The following CELF4 variants were observed in gnomAD, a reference collection of about 807,000 sequenced individuals.
CELF4 encodes the protein CUGBP Elav-like family member 4, also known as CUG-BP- and ETR-3-like factor 4.
Under a neutral mutation model 59.9 loss-of-function variants are expected in CELF4, and 18 were observed. The ratio of observed to expected loss-of-function variants is 0.30; its 90% confidence interval spans 0.21 to 0.45. The LOEUF (loss-of-function observed/expected upper bound fraction) is 0.45. Ranked by LOEUF, CELF4 falls within the 20% of genes least tolerant of loss-of-function variation. The pLI is 1.00. For missense variants in CELF4, 456 were observed against 689.0 expected, an observed-to-expected ratio of 0.66 and a Z score of 3.79; for synonymous variants, 261 against 267.1, an observed-to-expected ratio of 0.98 and a Z score of 0.22.
chr18:37,332,572 A>G (rs1294125498), intron 2 of CELF4, among the ~76,000 whole-genome samples: 1 of 151,970 alleles, frequency 6.6e-6, no homozygotes, highest in Non-Finnish European at 1.5e-5. Flanking sequence ...CCCTCACCTA[A>G]GGGGCAGGGC....
intron 1 of CELF4, among the ~76,000 whole-genome samples, chr18:37,531,777 G>C (rs1310600684): frequency 6.6e-6 from 1 of 152,140 alleles, no homozygotes; most frequent in Non-Finnish European, 1.5e-5. Flanking sequence ...GGATGCAGCT[G>C]AGCATGAGGG....
At position 37,253,743 on chromosome 18, in the gene CELF4, C is replaced by T. The variant is rs2067076706; in HGVS notation, c.*44+24G>A. On this transcript the variant is annotated intron_variant, in intron 12 of 12. Transcript: ENST00000420428. The surrounding 1 kb of genome is among the most constrained non-coding windows in gnomAD (Gnocchi z 4.5). Reference sequence around the variant, plus strand: ...CTGGTTCCCTCCCAACCCCCGTCCCCGCGCCCCGGCCGCCCCCGGTTACCT... The same window carrying T: ...CTGGTTCCCTCCCAACCCCCGTCCCTGCGCCCCGGCCGCCCCCGGTTACCT... 2 of 1,539,332 alleles carry T rather than the reference C, an allele frequency of 1.3e-6. No homozygotes were observed. Among genetic ancestry groups the T allele is most frequent in the East Asian group, 2.5e-5 (1 of 40,698 alleles).
chr18:37,331,036 C>T (rs544922749), intron 2 of CELF4, among the ~76,000 whole-genome samples: 1 of 152,304 alleles, frequency 6.6e-6, no homozygotes, highest in East Asian at 1.9e-4. Context: ...TTGGTCTCTG[C>T]TCCCACTCCC....
At chr18:37,559,495 AT>A (rs1271236064) in intron 1 of CELF4, among the ~76,000 whole-genome samples, 1 of 151,732 alleles carries the variant, frequency 6.6e-6, no homozygotes, top group Non-Finnish European at 1.5e-5. Context: ...TCTAGCTGGC[AT>A]TTTGACCCTA....
chr18:37,467,418 G>A (rs1201308247), intron 2 of CELF4, among the ~76,000 whole-genome samples: 1 of 152,176 alleles, frequency 6.6e-6, no homozygotes, highest in Non-Finnish European at 1.5e-5. Flanking sequence ...ACAGCAGGGA[G>A]TTTTGGACAC....
At chr18:37,514,022 G>A (rs1268618627) in intron 1 of CELF4, among the ~76,000 whole-genome samples, 1 of 151,500 alleles carries the variant, frequency 6.6e-6, no homozygotes, top group African/African-American at 2.4e-5. Context: ...GACTTCTGAG[G>A]TGATGGCTCT....
chr18:37,551,831 A>T (rs2099983285), intron 1 of CELF4, among the ~76,000 whole-genome samples: 1 of 152,192 alleles, frequency 6.6e-6, no homozygotes, highest in Admixed American at 6.5e-5. Flanking sequence ...TCGGAGTAAC[A>T]GCAACACACC....
intron 2 of CELF4, among the ~76,000 whole-genome samples, chr18:37,422,058 C>T (rs574958180): frequency 3.9e-5 from 6 of 152,318 alleles, no homozygotes; most frequent in South Asian, 4.1e-4. Context: ...GAAGACACGG[C>T]GCTCAGTTGT....
intron 2 of CELF4, among the ~76,000 whole-genome samples, chr18:37,482,807 C>G (rs1048095786): frequency 1.3e-5 from 2 of 152,178 alleles, no homozygotes; most frequent in Non-Finnish European, 2.9e-5. Flanking sequence ...AGCTCCATAA[C>G]TCACTAGAAA....
chr18:37,457,833 C>T (rs1460064560), intron 2 of CELF4, among the ~76,000 whole-genome samples: 3 of 152,150 alleles, frequency 2.0e-5, no homozygotes, highest in African/African-American at 7.2e-5. Context: ...TGTCCTCTAT[C>T]CCTGCCCACT....
At chr18:37,518,006 C>T (rs1429963165) in intron 1 of CELF4, among the ~76,000 whole-genome samples, 1 of 152,088 alleles carries the variant, frequency 6.6e-6, no homozygotes, top group Non-Finnish European at 1.5e-5. Flanking sequence ...AGTGGGGGTC[C>T]CCCTCCCTCT....
chr18:37,509,290 T>A (rs146947391), intron 1 of CELF4, among the ~76,000 whole-genome samples: 1 of 152,256 alleles, frequency 6.6e-6, no homozygotes, highest in Non-Finnish European at 1.5e-5. Context: ...GTAGGTATTT[T>A]GAGTTCTGCA....
Position 37,427,041 on chromosome 18 carries a change from G to GA in CELF4, c.369+58483_369+58484insT, listed in dbSNP as rs1454011102. 9.9e-4 allele frequency among the ~76,000 whole-genome samples: 150 copies of GA among 151,422 alleles called. 3 individuals carry two copies. In the East Asian group the frequency reaches 0.019, roughly 19 times the overall value. ...GTGCTGGCAGCAGCAGGGACACGGG[G>GA]GGGGGGGAAGCTGGGCACCCTGGGT... is the stretch of plus-strand genomic sequence containing the variant. On this transcript the variant is annotated intron_variant, in intron 2 of 12. Transcript: ENST00000420428.
chr18:37,428,777 C>A (rs547691458), intron 2 of CELF4, among the ~76,000 whole-genome samples: 1 of 152,142 alleles, frequency 6.6e-6, no homozygotes, highest in East Asian at 1.9e-4. Context: ...GAGCAGCAGC[C>A]GCCCTGCAGG....
chr18:37,412,706 G>A (rs1232458910), intron 2 of CELF4, among the ~76,000 whole-genome samples: 2 of 152,156 alleles, frequency 1.3e-5, no homozygotes, highest in African/African-American at 2.4e-5. Context: ...ATGAATGGAT[G>A]TTACTTCTGC....
At chr18:37,338,617 C>T (rs1271447244) in intron 2 of CELF4, among the ~76,000 whole-genome samples, 4 of 152,198 alleles carry the variant, frequency 2.6e-5, no homozygotes, top group Admixed American at 6.5e-5. Context: ...AATCTTTGGG[C>T]TCCACTGGGC....
intron 3 of CELF4, among the ~76,000 whole-genome samples, chr18:37,291,505 G>A (rs977490362): frequency 6.6e-6 from 1 of 152,190 alleles, no homozygotes; most frequent in Non-Finnish European, 1.5e-5. Flanking sequence ...TGGATTTAAC[G>A]GCTGGAGGCT....
chr18:37,255,255 C>A (rs2068508252), intron 11 of CELF4, among the ~76,000 whole-genome samples: 4 of 152,086 alleles, frequency 2.6e-5, no homozygotes, highest in Admixed American at 6.6e-5. Flanking sequence ...AGTTTATTGT[C>A]TGTGGTACCT....
At chr18:37,415,355 T>C (rs1372731260) in intron 2 of CELF4, among the ~76,000 whole-genome samples, 1 of 152,202 alleles carries the variant, frequency 6.6e-6, no homozygotes, top group East Asian at 1.9e-4. Context: ...GAACACTTTC[T>C]TTCCCATCAC....
Sources: allele counts gnomAD v4.1 joint callset (sites outside exome capture counted in the v4.1 genomes callset), GRCh38; gene constraint gnomAD v4.1.1; non-coding constraint Gnocchi (gnomAD v3.1); transcripts MANE v1.5; gene names NCBI Gene and HGNC (gene_info 2026-07-23, HGNC 2026-07-21).